The following TRAK1 variants were observed in gnomAD, a reference collection of about 807,000 sequenced individuals.
TRAK1 encodes trafficking kinesin-binding protein 1.
In TRAK1, 33 loss-of-function variants were observed where a neutral mutation model predicts 92.1. The observed-to-expected ratio is 0.36, with a 90% CI of 0.27 to 0.48. TRAK1 has a LOEUF of 0.48. Among genes scored for constraint, TRAK1 ranks in the 20% least tolerant of loss-of-function variants. The probability of loss-of-function intolerance (pLI) is 0.99; values close to 1 mark genes in which losing one functional copy is unlikely to be tolerated. For synonymous variants in TRAK1, 521 were observed against 517.3 expected, an observed-to-expected ratio of 1.01 and a Z score of -0.10; for missense variants, 1,123 against 1,257.9, an observed-to-expected ratio of 0.89 and a Z score of 1.62.
At chr3:42,129,979 A>C (rs1696979145) in intron 2 of TRAK1, among the ~76,000 whole-genome samples, 1 of 152,224 alleles carries the variant, frequency 6.6e-6, no homozygotes, top group Non-Finnish European at 1.5e-5. Flanking sequence ...TTATTTATAA[A>C]TAAATAAAAT....
intron 1 of TRAK1, among the ~76,000 whole-genome samples, chr3:42,092,317 C>T (rs79628449): frequency 6.6e-6 from 1 of 152,186 alleles, no homozygotes; most frequent in East Asian, 1.9e-4. Flanking sequence ...GGCCAGAAAA[C>T]AGTTAATTCC....
chr3:42,174,755 C>T (rs1165232233), intron 2 of TRAK1, among the ~76,000 whole-genome samples: 2 of 148,554 alleles, frequency 1.3e-5, no homozygotes, highest in East Asian at 3.9e-4. Context: ...TTAGTGGAGA[C>T]AGGGTTTTGC....
intron 10 of TRAK1, among the ~76,000 whole-genome samples, chr3:42,195,332 G>A (rs1435114805): frequency 3.3e-5 from 5 of 152,170 alleles, no homozygotes; most frequent in East Asian, 3.8e-4. Flanking sequence ...TAGACATTAC[G>A]TTTAGACGGA....
At chr3:42,093,222 T>G (rs2148976140) in intron 1 of TRAK1, among the ~76,000 whole-genome samples, 1 of 152,114 alleles carries the variant, frequency 6.6e-6, no homozygotes, top group East Asian at 1.9e-4. Context: ...TTTTTTCTCC[T>G]TCTCTTAGTG....
At chr3:42,024,913 C>T (rs191767201) in intron 1 of TRAK1, among the ~76,000 whole-genome samples, 204 of 152,300 alleles carry the variant, frequency 1.3e-3, no homozygotes, top group Non-Finnish European at 2.1e-3. Context: ...GCTTCTCTTC[C>T]AATTGCTAGG....
intron 1 of TRAK1, among the ~76,000 whole-genome samples, chr3:42,040,271 C>G (rs370140378): frequency 2.0e-5 from 3 of 152,054 alleles, no homozygotes; most frequent in African/African-American, 4.8e-5. Context: ...TTAAGGTCAC[C>G]AAGAGTTGCT....
chr3:42,221,071 CTTTTTTTTTTTT>C (rs369421571), intron 15 of TRAK1, among the ~76,000 whole-genome samples: 11 of 85,396 alleles, frequency 1.3e-4, no homozygotes, highest in African/African-American at 3.0e-4. Flanking sequence ...AGAGAAGGCT[CTTTTTTTTTTTT>C]TTTTTTTTTT....
intron 11 of TRAK1, among the ~76,000 whole-genome samples, chr3:42,200,105 C>T (rs1435321811): frequency 6.6e-6 from 1 of 152,152 alleles, no homozygotes; most frequent in East Asian, 1.9e-4. Context: ...ATTGTGTTTT[C>T]TGTGTACTCA....
intron 1 of TRAK1, among the ~76,000 whole-genome samples, chr3:42,058,225 C>A (rs1390875150): frequency 1.3e-5 from 2 of 152,108 alleles, no homozygotes; most frequent in African/African-American, 4.8e-5. Flanking sequence ...TGGAGATTGA[C>A]GAAGACAAGG....
chr3:42,177,961 G>A (rs1287437654), intron 3 of TRAK1, among the ~76,000 whole-genome samples: 1 of 152,126 alleles, frequency 6.6e-6, no homozygotes, highest in East Asian at 1.9e-4. Context: ...TTCAGCCTTT[G>A]GGTGTCACTC....
chr3:42,089,911 A>G (rs1704914476), upstream of TRAK1, among the ~76,000 whole-genome samples: 2 of 152,200 alleles, frequency 1.3e-5, no homozygotes, highest in Non-Finnish European at 2.9e-5. Context: ...TGTTGGGTGT[A>G]TCAATTGTGT....
chr3:42,121,554 T>A (rs1477078307), intron 1 of TRAK1, among the ~76,000 whole-genome samples: 1 of 152,114 alleles, frequency 6.6e-6, no homozygotes, highest in African/African-American at 2.4e-5. Flanking sequence ...CCACTGCGCC[T>A]GGCCTCCTGG....
intron 1 of TRAK1, among the ~76,000 whole-genome samples, chr3:42,035,237 C>T (rs1033111314): frequency 1.3e-5 from 2 of 152,156 alleles, no homozygotes; most frequent in Non-Finnish European, 2.9e-5. Context: ...AAGCTACACC[C>T]TCTTGGTTTT....
intron 1 of TRAK1, among the ~76,000 whole-genome samples, chr3:42,111,231 C>T (rs746362071): frequency 6.6e-6 from 1 of 152,192 alleles, no homozygotes; most frequent in Non-Finnish European, 1.5e-5. Context: ...TGCTCTTAAC[C>T]TCCAAGCTGT....
chr3:42,130,493 A>G (rs982457917), intron 2 of TRAK1, among the ~76,000 whole-genome samples: 6 of 152,166 alleles, frequency 3.9e-5, no homozygotes, highest in African/African-American at 1.4e-4. Flanking sequence ...AGCCAACAGT[A>G]TTTACTGAGT....
chr3:42,018,743 C>T (rs7652506), intron 1 of TRAK1, among the ~76,000 whole-genome samples: 25,239 of 151,966 alleles, frequency 0.17, 2,178 homozygotes, highest in Middle Eastern at 0.31. Context: ...AAGATGTCAC[C>T]GTCTACTAAT....
Position 42,209,852 on chromosome 3 carries a change from G to C in TRAK1, c.1830G>C (p.Lys610Asn). ...ACCCCCGGCCCGGTGTGGTCACCAA[G>C]GGCTTCCGGACGCTGGATGTTGACC... The part of the protein sequence containing the change: ...ILDPRPGVVT[K>N]GFRTLDVDLD... Residue 610 changes from lysine to asparagine, a missense_variant, in exon 14 of 16, where the codon AAG (lysine) becomes AAC (asparagine). Lys to Asn is a moderately conservative substitution (Grantham distance 94). Around this residue, in one of 3 missense-constraint regions of TRAK1, gnomAD observed 36 missense variants for 71.3 expected, o/e 0.50. Transcript: ENST00000327628. 1.2e-6 allele frequency: 2 copies of C among 1,614,204 alleles called. No individual in the cohort carries two copies. Among genetic ancestry groups the C allele is most frequent in the Non-Finnish European group, 1.7e-6 (2 of 1,180,048 alleles).
chr3:42,166,883 A>G lies in TRAK1; in HGVS notation c.287-9931A>G, dbSNP rs146401584. On this transcript the variant is annotated intron_variant, in intron 2 of 15. Transcript: ENST00000327628. ...ACTAGGCACCACACAGACATGGGTA[A>G]TGGCTGTACAGACCATTGTTCGTAC... Among the ~76,000 whole-genome samples, 554 of 152,316 alleles carry G rather than the reference A, an allele frequency of 3.6e-3. 1 individual carries two copies. The highest frequency in any genetic ancestry group is 0.01 in the Middle Eastern group (3 of 294).
chr3:42,056,314 G>A (rs1703201968), intron 1 of TRAK1, among the ~76,000 whole-genome samples: 1 of 152,178 alleles, frequency 6.6e-6, no homozygotes, highest in South Asian at 2.1e-4. Flanking sequence ...GTGAGTGAGG[G>A]TTCTGGTTTG....
Sources: allele counts gnomAD v4.1 joint callset (sites outside exome capture counted in the v4.1 genomes callset), GRCh38; gene constraint gnomAD v4.1.1; regional missense constraint gnomAD v4.1.1; transcripts MANE v1.5; gene names NCBI Gene and HGNC (gene_info 2026-07-23, HGNC 2026-07-21).